Variants in KCTD10 observed in about 807,000 individuals in gnomAD.
KCTD10 encodes potassium channel tetramerization domain containing 10, also known as BTB/POZ domain-containing adapter for CUL3-mediated RhoA degradation protein 3.
KCTD10 carries 13 observed loss-of-function variants against 34.6 expected under a neutral mutation model. The ratio of observed to expected loss-of-function variants is 0.38; its 90% CI spans 0.24 to 0.60. KCTD10 has a LOEUF of 0.60. Ranked by LOEUF, KCTD10 falls within the 20% of genes least tolerant of loss-of-function variation. The pLI is 0.66. For synonymous variants in KCTD10, 156 were observed against 168.8 expected (o/e 0.92, Z 0.59); for missense variants, 256 against 420.3 (o/e 0.61, Z 3.42).
chr12:109,464,186 C>T (rs1873485752), intron 2 of KCTD10, among the ~76,000 whole-genome samples: 1 of 152,152 alleles, frequency 6.6e-6, no homozygotes, highest in Non-Finnish European at 1.5e-5. Flanking sequence ...TTGTGGTTCC[C>T]AAACACCCCT....
intron 5 of KCTD10, chr12:109,456,970 G>A (rs1186050362): frequency 6.4e-6 from 1 of 156,100 alleles, no homozygotes; most frequent in African/African-American, 2.4e-5. Flanking sequence ...GTTCATAACA[G>A]CATTACACAC....
Position 109,469,734 on chromosome 12 carries a change from A to C in KCTD10, c.4-6T>G, listed in dbSNP as rs1392357992. ...CTTTCTCCTGACATCTCTTCCTGCCAGTGGAGAGGATACAGGGTCATGACA... is the reference window on the plus strand; with the variant it reads ...CTTTCTCCTGACATCTCTTCCTGCCCGTGGAGAGGATACAGGGTCATGACA... On this transcript the variant is annotated splice_region_variant and splice_polypyrimidine_tract_variant and intron_variant, in intron 1 of 6. Coordinates refer to ENST00000228495, the MANE Select transcript of KCTD10 (RefSeq NM_031954.5). 2 of 1,614,080 alleles carry C rather than the reference A, an allele frequency of 1.2e-6. No homozygotes were observed.
intron 1 of KCTD10, among the ~76,000 whole-genome samples, chr12:109,471,952 A>C (rs1449534120): frequency 6.6e-6 from 1 of 152,180 alleles, no homozygotes; most frequent in African/African-American, 2.4e-5. Context: ...TTCTAATGGC[A>C]TACTTGTATA....
In KCTD10 at chr12:109,460,493, A is replaced by T. The variant is rs1873260282; in HGVS notation, c.387+143T>A. On this transcript the variant is annotated intron_variant, in intron 3 of 6. Coordinates refer to ENST00000228495, the MANE Select transcript of KCTD10 (RefSeq NM_031954.5). This position sits in a 1 kb window ranked among gnomAD's most constrained non-coding sequence, Gnocchi z 4.5. ...TCTCAGGGGTCACTCCAACCGAAGG[A>T]ATCGGGCTCCAGGGCAAACTCATTA... 3.5e-6 allele frequency: 3 copies of T among 858,622 alleles called. No individual in the cohort carries two copies. Among genetic ancestry groups the T allele is most frequent in the Non-Finnish European group, 3.6e-6 (2 of 561,272 alleles). 53.2% of individuals were successfully genotyped at this position (858,622 alleles called of 1,614,324 possible). A position where few individuals can be genotyped will look rare whatever the true frequency, so the allele number is the denominator to read the frequency against.
chr12:109,476,453 C>T (rs1253197885), intron 1 of KCTD10, among the ~76,000 whole-genome samples: 1 of 152,134 alleles, frequency 6.6e-6, no homozygotes, highest in South Asian at 2.1e-4. Flanking sequence ...GGACAATGAG[C>T]TACTCAGGGA....
At chr12:109,453,932 C>T (rs1196214972) in intron 6 of KCTD10, among the ~76,000 whole-genome samples, 1 of 152,216 alleles carries the variant, frequency 6.6e-6, no homozygotes, top group Admixed American at 6.5e-5. Context: ...GCATGGCACA[C>T]AGCTAGGACA....
chr12:109,454,192 G>A (rs1872911340), intron 6 of KCTD10, among the ~76,000 whole-genome samples: 1 of 152,186 alleles, frequency 6.6e-6, no homozygotes, highest in African/African-American at 2.4e-5. Flanking sequence ...ACAGATGCTA[G>A]CGCCAAGGTG....
chr12:109,475,114 C>T (rs1054026977), intron 1 of KCTD10, among the ~76,000 whole-genome samples: 2 of 152,046 alleles, frequency 1.3e-5, no homozygotes, highest in African/African-American at 2.4e-5. Flanking sequence ...TTCCTTTGGG[C>T]GTCTCAAACA....
chr12:109,460,058 G>C lies in KCTD10; in HGVS notation c.387+578C>G, dbSNP rs1156787274. Among the ~76,000 whole-genome samples the C allele has an allele frequency of 6.6e-6, 1 of 152,204 alleles. No individual in the cohort carries two copies. The highest frequency in any genetic ancestry group is 1.5e-5 in the Non-Finnish European group (1 of 68,034). ...GGGGCCAGACACAGACATGTGGTGTGGGGGAGGCCCAAACAAGGGCCTCAT... is the reference window on the plus strand; with the variant it reads ...GGGGCCAGACACAGACATGTGGTGTCGGGGAGGCCCAAACAAGGGCCTCAT... On this transcript the variant is annotated intron_variant, in intron 3 of 6. Coordinates refer to ENST00000228495, the MANE Select transcript of KCTD10 (RefSeq NM_031954.5). This position sits in a 1 kb window ranked among gnomAD's most constrained non-coding sequence, Gnocchi z 4.5.
chr12:109,452,807 C>A (rs947264093), intron 6 of KCTD10, among the ~76,000 whole-genome samples: 1 of 149,878 alleles, frequency 6.7e-6, no homozygotes, highest in Non-Finnish European at 1.5e-5. Context: ...CAGAGTCTAA[C>A]AGGCAGAGAG....
intron 6 of KCTD10, among the ~76,000 whole-genome samples, chr12:109,453,774 G>A (rs929767430): frequency 9.9e-5 from 15 of 152,176 alleles, no homozygotes; most frequent in Admixed American, 3.9e-4. Context: ...AGAGAACTGC[G>A]GAGAAGAGGA....
At position 109,458,077 on chromosome 12, in the gene KCTD10, T is replaced by C; in HGVS notation, c.389A>G (p.Asn130Ser). ...LVEECQAALQNKDTYEPFCKV... is the reference protein window; with the variant it reads ...LVEECQAALQSKDTYEPFCKV... ...GCAGAAAGGCTCATAAGTATCTTTGTTCTGCTGGAACAAAACATGCTTTCA... is the reference window on the plus strand; with the variant it reads ...GCAGAAAGGCTCATAAGTATCTTTGCTCTGCTGGAACAAAACATGCTTTCA... Residue 130 changes from asparagine (N) to serine (S), a missense_variant and splice_region_variant, in exon 4 of 7, where the codon AAC (asparagine) becomes AGC (serine). By Grantham distance (46) the Asn-to-Ser change is conservative. This residue lies in a region of KCTD10 where 155 missense variants were observed against 207.0 expected (regional missense o/e 0.75). Coordinates refer to ENST00000228495, the MANE Select transcript of KCTD10 (RefSeq NM_031954.5). The C allele has an allele frequency of 6.2e-7, 1 of 1,613,824 alleles. No homozygotes were observed. Among genetic ancestry groups the C allele is most frequent in the South Asian group, 1.1e-5 (1 of 91,076 alleles).
intron 2 of KCTD10, among the ~76,000 whole-genome samples, chr12:109,461,971 CGCTGTGCCCTGTTCCACTCCTAACAAT>C (rs66490142): frequency 0.18 from 27,784 of 152,124 alleles, 2,657 homozygotes; most frequent in African/African-American, 0.23. Flanking sequence ...CTCCTAACAA[CGCTGTGCCCTGTTCCACTCCTAACAAT>C]GCTGTGCCCT....
chr12:109,473,310 G>T (rs1873980157), intron 1 of KCTD10, among the ~76,000 whole-genome samples: 1 of 152,104 alleles, frequency 6.6e-6, no homozygotes, highest in African/African-American at 2.4e-5. Flanking sequence ...GTGGCTAAGG[G>T]TTTGGAGTTA....
intron 3 of KCTD10, chr12:109,458,469 G>A (rs1033449995): frequency 6.2e-6 from 1 of 161,666 alleles, no homozygotes; most frequent in African/African-American, 2.4e-5. Context: ...AAAAGAATGG[G>A]AGAAGTGAGG....
At chr12:109,455,052 AACAG>A (rs1872950229) in intron 6 of KCTD10, among the ~76,000 whole-genome samples, 1 of 152,032 alleles carries the variant, frequency 6.6e-6, no homozygotes, top group South Asian at 2.1e-4. Context: ...AAAAAAAAAA[AACAG>A]TTCACAGGAG....
At chr12:109,461,162 C>A (rs1873306052) in intron 2 of KCTD10, among the ~76,000 whole-genome samples, 1 of 152,214 alleles carries the variant, frequency 6.6e-6, no homozygotes, top group Non-Finnish European at 1.5e-5. Context: ...GCCCAAATGG[C>A]CACATACCAA....
chr12:109,474,393 T>C (rs1169368433), intron 1 of KCTD10, among the ~76,000 whole-genome samples: 1 of 152,166 alleles, frequency 6.6e-6, no homozygotes, highest in Non-Finnish European at 1.5e-5. Flanking sequence ...CAGTCTCTCT[T>C]CTCTCCATCT....
chr12:109,470,756 C>T (rs1456581662), intron 1 of KCTD10: 3 of 238,362 alleles, frequency 1.3e-5, no homozygotes, highest in African/African-American at 7.0e-5. Context: ...AAAACATAAA[C>T]ATTATCCAAA....
Sources: gnomAD v4.1 joint callset for allele counts (sites outside exome capture counted in the v4.1 genomes callset) on GRCh38, gnomAD v4.1.1 for gene constraint, gnomAD v4.1.1 regional missense constraint, Gnocchi (gnomAD v3.1) non-coding constraint, MANE v1.5 for transcripts, NCBI Gene and HGNC (gene_info 2026-07-23, HGNC 2026-07-21) for gene names.